Variants in ADGRA1 observed in about 807,000 individuals in gnomAD.
ADGRA1 encodes G-protein coupled receptor 123.
Under a neutral mutation model 21.3 loss-of-function variants are expected in ADGRA1, and 12 were observed. That is an observed-to-expected ratio of 0.56 (90% CI 0.36 to 0.91). The LOEUF (loss-of-function observed/expected upper bound fraction) is 0.91. Among genes scored for constraint, ADGRA1 ranks in the 40% least tolerant of loss-of-function variants. ADGRA1 has a pLI of 0.01. For missense variants in ADGRA1, 790 were observed against 805.6 expected (o/e 0.98, Z 0.23); for synonymous variants, 385 against 368.8 (o/e 1.04, Z -0.50).
In ADGRA1 at chr10:133,131,087, C is replaced by CTCTCGGAGCAGGA. The variant is rs1852516989; in HGVS notation, c.*1576_*1577insTCTCGGAGCAGGA. The CTCTCGGAGCAGGA allele has an allele frequency of 6.6e-6, 1 of 152,258 alleles. No homozygotes were observed. The highest frequency in any genetic ancestry group is 2.1e-4 in the South Asian group (1 of 4,828). The allele number at this position is 152,258 out of a possible 1,614,324, so 9.4% of individuals were successfully genotyped here. Reference sequence around the variant, plus strand: ...CCAGGAGCAGAGCCTCCCTAACGTGCACCTCCGAGAAGAGGGGTGTCGGGG... The same window carrying CTCTCGGAGCAGGA: ...CCAGGAGCAGAGCCTCCCTAACGTGCTCTCGGAGCAGGAACCTCCGAGAAGAGGGGTGTCGGGG... On this transcript the variant is annotated 3_prime_UTR_variant, in exon 7 of 7. Transcript: ENST00000392607.
At chr10:133,114,315 G>C (rs1852116306) in intron 5 of ADGRA1, among the ~76,000 whole-genome samples, 1 of 152,228 alleles carries the variant, frequency 6.6e-6, no homozygotes, top group Non-Finnish European at 1.5e-5. Context: ...GAACATAGGT[G>C]CTCTTCACAG....
At position 133,101,503 on chromosome 10, in the gene ADGRA1, G is replaced by C. The variant is rs1285913870; in HGVS notation, c.256-1194G>C. ...CTGAAGTCGGTGTCCAGGACTCAGA[G>C]CTCTGCCACGTACACCTTCTTGTGA... On this transcript the variant is annotated intron_variant, in intron 4 of 6. Transcript: ENST00000392607. Among the ~76,000 whole-genome samples, 4 of 152,214 alleles carry C rather than the reference G, an allele frequency of 2.6e-5. No individual in the cohort carries two copies. The East Asian group carries it at 7.7e-4, about 29-fold the overall frequency.
chr10:133,112,312 C>T (rs956564232), intron 5 of ADGRA1, among the ~76,000 whole-genome samples: 5 of 151,800 alleles, frequency 3.3e-5, no homozygotes, highest in South Asian at 2.1e-4. Context: ...TTGGGGTCTG[C>T]GGGCCGCATC....
chr10:133,087,937 C>A lies in ADGRA1; in HGVS notation c.-404C>A. ...CGGGAGGTGCGCGCAGAGGCGGCGG[C>A]GCTGCTGGCCGGGCTGGGCCGCTCG... On this transcript the variant is annotated 5_prime_UTR_variant, in exon 1 of 7. Transcript: ENST00000392607. 1.0e-6 allele frequency: 1 copy of A among 984,950 alleles called. No homozygotes were observed. Among genetic ancestry groups the A allele is most frequent in the Non-Finnish European group, 1.2e-6 (1 of 829,800 alleles). 61.0% of individuals were successfully genotyped at this position (984,950 alleles called of 1,614,324 possible). A position where few individuals can be genotyped will look rare whatever the true frequency, so the allele number is the denominator to read the frequency against.
intron 4 of ADGRA1, among the ~76,000 whole-genome samples, chr10:133,099,747 C>T (rs1851757997): frequency 6.6e-6 from 1 of 152,228 alleles, no homozygotes; most frequent in Non-Finnish European, 1.5e-5. Flanking sequence ...TCCCAGTGGC[C>T]ACCCCACTTC....
At chr10:133,118,519 C>A (rs1339248632) in intron 5 of ADGRA1, among the ~76,000 whole-genome samples, 4 of 152,250 alleles carry the variant, frequency 2.6e-5, no homozygotes, top group African/African-American at 9.6e-5. Flanking sequence ...AACTTACAGT[C>A]CTGGCAGAAG....
rs940778826 is a variant in ADGRA1, at chr10:133,129,677, C to T, written c.*166C>T. ...CACCCCTGCCCCTTCCTTGTGATCA[C>T]ACCCCTGCCCCTTCCTTGTGATCAC... On this transcript the variant is annotated 3_prime_UTR_variant, in exon 7 of 7. Transcript: ENST00000392607. 2 of 390,616 alleles carry T rather than the reference C, an allele frequency of 5.1e-6. No individual in the cohort carries two copies. The highest frequency in any genetic ancestry group is 4.4e-5 in the African/African-American group (2 of 45,920). The allele number at this position is 390,616 out of a possible 1,614,324, so 24.2% of individuals were successfully genotyped here. A position where few individuals can be genotyped will look rare whatever the true frequency, so the allele number is the denominator to read the frequency against.
intron 2 of ADGRA1, among the ~76,000 whole-genome samples, chr10:133,092,036 C>T (rs1353301249): frequency 1.3e-5 from 2 of 152,110 alleles, no homozygotes; most frequent in Admixed American, 6.5e-5. Context: ...GTGGGAGACT[C>T]GGAGCTCTGA....
At chr10:133,093,063 A>G (rs762371442) in intron 2 of ADGRA1, 90 of 1,593,954 alleles carry the variant, frequency 5.6e-5, no homozygotes, top group Non-Finnish European at 7.0e-5. Flanking sequence ...TGTGTAGGAA[A>G]GAAGGTTCCT....
At chr10:133,097,395 G>A (rs1851706580) in intron 3 of ADGRA1, among the ~76,000 whole-genome samples, 1 of 152,250 alleles carries the variant, frequency 6.6e-6, no homozygotes, top group Admixed American at 6.5e-5. Flanking sequence ...TCCAGAAATA[G>A]GTGTGGTGTC....
rs139745558 is a variant in ADGRA1 at position 133,102,824 on chromosome 10, C to T, written c.383C>T (p.Pro128Leu). 2.2e-5 allele frequency: 36 copies of T among 1,611,408 alleles called. No homozygotes were observed. Among genetic ancestry groups the T allele is most frequent in the Non-Finnish European group, 2.8e-5 (33 of 1,178,802 alleles). ...LCLDTDQPPYPRQPLLRFYLV... is the reference protein window; with the variant it reads ...LCLDTDQPPYLRQPLLRFYLV... ...CTGGACACAGACCAGCCACCGTACCCCAGGCAGCCCCTGCTCAGGTACTGA... is the reference window on the plus strand; with the variant it reads ...CTGGACACAGACCAGCCACCGTACCTCAGGCAGCCCCTGCTCAGGTACTGA... The change falls in exon 5 of 7, where the codon CCC (proline) becomes CTC (leucine). Residue 128 changes from proline (P) to leucine (L), a missense_variant. Transcript: ENST00000392607.
At chr10:133,112,536 G>GTCGGTTATTTGAGGTCTGTGGGCCGCA (rs1370631704) in intron 5 of ADGRA1, among the ~76,000 whole-genome samples, 5 of 149,214 alleles carry the variant, frequency 3.4e-5, no homozygotes, top group African/African-American at 7.4e-5. Flanking sequence ...TGCAGGCCGC[G>GTCGGTTATTTGAGGTCTGTGGGCCGCA]TCGGTTATTT....
intron 2 of ADGRA1, among the ~76,000 whole-genome samples, chr10:133,091,625 C>T (rs1039079483): frequency 5.9e-5 from 9 of 152,328 alleles, no homozygotes; most frequent in Admixed American, 4.6e-4. Flanking sequence ...CCTTCCAGCT[C>T]TCAATTCAGG....
At chr10:133,127,129 C>A in intron 5 of ADGRA1, 104 bp from the exon 6 acceptor site, 1 of 661,768 alleles carries the variant, frequency 1.5e-6, no homozygotes, top group Non-Finnish European at 2.4e-6. Flanking sequence ...GCTCCGCCCG[C>A]ACCCGCTGCT....
chr10:133,093,001 A>G lies in ADGRA1; in HGVS notation c.4-3973A>G, dbSNP rs757875675. 6.3e-6 allele frequency: 10 copies of G among 1,591,364 alleles called. No homozygotes were observed. In the South Asian group the frequency reaches 1.0e-4, roughly 16 times the overall value. Reference sequence around the variant, plus strand: ...GCCCCGGACACCTCACCGTGCAGGAAAGAAGGTTCCTCAGCCAGTCGGAGC... The same window carrying G: ...GCCCCGGACACCTCACCGTGCAGGAGAGAAGGTTCCTCAGCCAGTCGGAGC... On this transcript the variant is annotated intron_variant, in intron 2 of 6. Transcript: ENST00000392607.
chr10:133,089,536 G>A (rs1441353563), intron 2 of ADGRA1, among the ~76,000 whole-genome samples: 2 of 152,176 alleles, frequency 1.3e-5, no homozygotes, highest in Non-Finnish European at 1.5e-5. Flanking sequence ...CTGAATGTCT[G>A]GGTTCCGGAA....
At chr10:133,098,505 C>T in intron 3 of ADGRA1, 135 bp from the exon 4 acceptor site, 1 of 1,048,880 alleles carries the variant, frequency 9.5e-7, no homozygotes, top group Non-Finnish European at 1.3e-6. Flanking sequence ...CTGACCGGGT[C>T]CTCGGACAGC....
Position 133,128,702 on chromosome 10 carries a change from G to A in ADGRA1, c.874G>A (p.Gly292Ser), listed in dbSNP as rs141186395. The A allele has an allele frequency of 9.9e-6, 16 of 1,611,898 alleles. No homozygotes were observed. Among genetic ancestry groups the A allele is most frequent in the African/African-American group, 9.3e-5 (7 of 74,912 alleles). Residue 292 changes from glycine (G) to serine (S), a missense_variant, in exon 7 of 7, where the codon GGC becomes AGC. Gly to Ser is a moderately conservative substitution (Grantham distance 56, BLOSUM62 0). This residue lies in a region of ADGRA1 where 382 missense variants were observed against 415.6 expected (regional missense o/e 0.92). Transcript: ENST00000392607. ...FLDMVFSCLYGAFCVTLGLFV... is the reference protein window; with the variant it reads ...FLDMVFSCLYSAFCVTLGLFV... The stretch of plus-strand genomic sequence containing the variant: ...GGACATGGTCTTCAGCTGCCTGTAC[G>A]GCGCCTTCTGCGTGACCCTGGGACT...
chr10:133,095,891 C>CTGGG, intron 2 of ADGRA1: 1 of 1,350,244 alleles, frequency 7.4e-7, no homozygotes, highest in Non-Finnish European at 1.0e-6. Flanking sequence ...TCCTCCTGCC[C>CTGGG]CGATGCCCAG....
Sources: allele counts gnomAD v4.1 joint callset (sites outside exome capture counted in the v4.1 genomes callset), GRCh38; gene constraint gnomAD v4.1.1; regional missense constraint gnomAD v4.1.1; transcripts MANE v1.5; gene names NCBI Gene and HGNC (gene_info 2026-07-23, HGNC 2026-07-21).